Variants in NLRP11 observed in about 807,000 individuals in gnomAD.
NLRP11 encodes the protein NLR family pyrin domain containing 11.
A neutral mutation model predicts 79.3 loss-of-function variants in NLRP11; 53 were observed. The observed-to-expected ratio is 0.67, with a 90% CI of 0.54 to 0.84. The LOEUF (loss-of-function observed/expected upper bound fraction) is 0.84. NLRP11 is among the 40% of genes least tolerant of loss of function. The probability of loss-of-function intolerance (pLI) is 0.00; values close to 1 mark genes in which losing one functional copy is unlikely to be tolerated. For synonymous variants in NLRP11, 518 were observed against 462.6 expected (o/e 1.12, Z -1.54); for missense variants, 1,264 against 1,255.0 (o/e 1.01, Z -0.11).
chr19:55,796,360 T>G lies in NLRP11; in HGVS notation c.2172-110A>C. 3.6e-6 allele frequency: 3 copies of G among 832,570 alleles called. 1 individual carries two copies. The South Asian group carries it at 5.4e-5, about 15-fold the overall frequency. The allele number at this position is 832,570 out of a possible 1,614,324, so 51.6% of individuals were successfully genotyped here. On this transcript the variant is annotated intron_variant, in intron 5 of 9. Transcript: ENST00000589093. Reference sequence around the variant, plus strand: ...CCTAACCAAGTGCGATGATGTCTACTTGGAAATAAATAGATCCCTTTGCTT... The same window carrying G: ...CCTAACCAAGTGCGATGATGTCTACGTGGAAATAAATAGATCCCTTTGCTT...
intron 1 of NLRP11, among the ~76,000 whole-genome samples, chr19:55,818,728 G>A (rs1981382056): frequency 6.6e-6 from 1 of 152,116 alleles, no homozygotes; most frequent in Non-Finnish European, 1.5e-5. Context: ...TAATGAAGAG[G>A]CAACTGTTAT....
intron 1 of NLRP11, among the ~76,000 whole-genome samples, chr19:55,821,002 A>G (rs1981642882): frequency 6.6e-6 from 1 of 152,130 alleles, no homozygotes; most frequent in Admixed American, 6.5e-5. Context: ...ACATTCCCAG[A>G]GCTGATAAGA....
At position 55,787,422 on chromosome 19, in the gene NLRP11, C is replaced by T. The variant is rs957991092; in HGVS notation, c.2855+1385G>A. On this transcript the variant is annotated intron_variant, in intron 9 of 9. Transcript: ENST00000589093. ...TGCGATCTCGGCTCACTGCAAACTC[C>T]GCCTCCCAGGTTCAAGTGATTCTCG... is the stretch of plus-strand genomic sequence containing the variant. Among the ~76,000 whole-genome samples the T allele has an allele frequency of 5.9e-5, 9 of 152,222 alleles. No individual in the cohort carries two copies. The South Asian group carries it at 6.2e-4, about 11-fold the overall frequency.
chr19:55,810,218 A>T, exon 3 of NLRP11: 1 of 1,614,182 alleles, frequency 6.2e-7, no homozygotes, highest in South Asian at 1.1e-5. Context: ...TAATTGAAGT[A>T]TGTAGAACAC....
intron 4 of NLRP11, among the ~76,000 whole-genome samples, chr19:55,803,132 A>T (rs1372392229): frequency 6.6e-6 from 1 of 152,098 alleles, no homozygotes; most frequent in African/African-American, 2.4e-5. Context: ...GCAGATCACA[A>T]GGTCAGGAGT....
rs548232403 is a variant in NLRP11 at position 55,788,107 on chromosome 19, CAGAA to C, written c.2855+696_2855+699del. On this transcript the variant is annotated intron_variant, in intron 9 of 9. Coordinates refer to ENST00000589093, the Ensembl canonical transcript of NLRP11. The stretch of plus-strand genomic sequence containing the variant: ...CATACTTGGCAACAGTTAGGTAACA[CAGAA>C]AGGAAGAGAACTTTTGCTTTTATGA... Among the ~76,000 whole-genome samples the C allele has an allele frequency of 1.8e-3, 271 of 152,168 alleles. 2 individuals carry two copies. The highest frequency in any genetic ancestry group is 5.2e-3 in the African/African-American group (217 of 41,494).
At chr19:55,788,597 A>G (rs57596302) in intron 9 of NLRP11, among the ~76,000 whole-genome samples, 12,758 of 151,582 alleles carry the variant, frequency 0.084, 1,221 homozygotes, top group African/African-American at 0.24. Context: ...AAAATTAGCC[A>G]GGTGTGGTGG....
intron 4 of NLRP11, among the ~76,000 whole-genome samples, chr19:55,805,921 CAAT>C: frequency 6.6e-6 from 1 of 152,314 alleles, no homozygotes; most frequent in East Asian, 1.9e-4. Flanking sequence ...TCTTGGCCAA[CAAT>C]GACTTCTACC....
upstream of NLRP11, among the ~76,000 whole-genome samples, chr19:55,832,559 C>A (rs924086138): frequency 6.6e-6 from 1 of 152,212 alleles, no homozygotes; most frequent in Non-Finnish European, 1.5e-5. Context: ...ATAGCTCAGT[C>A]CTATGCGCAG....
At chr19:55,808,928 A>G in exon 3 of NLRP11, 2 of 1,614,102 alleles carry the variant, frequency 1.2e-6, no homozygotes, top group East Asian at 2.2e-5. Context: ...AGCATCCACA[A>G]TCGTCTTCAC....
At chr19:55,814,091 C>T (rs1568638962) in intron 2 of NLRP11, among the ~76,000 whole-genome samples, 1 of 152,124 alleles carries the variant, frequency 6.6e-6, no homozygotes, top group African/African-American at 2.4e-5. Context: ...CTCCCCATCG[C>T]TCACATTACC....
chr19:55,834,538 G>C (rs1431813916), upstream of NLRP11, among the ~76,000 whole-genome samples: 1 of 152,240 alleles, frequency 6.6e-6, no homozygotes, highest in African/African-American at 2.4e-5. Context: ...TGTGCATGAT[G>C]CTAATGTAAT....
rs746616716 is a variant in NLRP11, at chr19:55,809,311, C to T, written c.1299G>A (p.Ala433=). Residue 433 remains alanine, a synonymous_variant, in exon 3 of 10, where the codon GCG becomes GCA. Transcript: ENST00000589093. The surrounding 1 kb of genome is among the most constrained non-coding windows in gnomAD (Gnocchi z 4.5). Reference sequence around the variant, plus strand: ...GAGTGTTGCTCGGCAAAAGAATATTCGCGGCCTGCAACACAGAGACATCAG... The same window carrying T: ...GAGTGTTGCTCGGCAAAAGAATATTTGCGGCCTGCAACACAGAGACATCAG... 85 of 1,613,840 alleles carry T rather than the reference C, an allele frequency of 5.3e-5. No individual in the cohort carries two copies. Among genetic ancestry groups the T allele is most frequent in the Non-Finnish European group, 7.0e-5 (83 of 1,179,930 alleles).
chr19:55,788,363 CTT>C (rs74179639), intron 9 of NLRP11, among the ~76,000 whole-genome samples: 18 of 140,626 alleles, frequency 1.3e-4, no homozygotes, highest in African/African-American at 1.3e-4. Flanking sequence ...AGAGGAAAGA[CTT>C]TTTTTTTTTT....
chr19:55,794,950 G>C (rs6509960), intron 6 of NLRP11, among the ~76,000 whole-genome samples: 65,872 of 151,626 alleles, frequency 0.43, 14,797 homozygotes, highest in African/African-American at 0.54. Flanking sequence ...GAGCTAAAGG[G>C]AGCCAAAAAT....
At position 55,789,146 on chromosome 19, in the gene NLRP11, G is replaced by C. The variant is rs1014462158; in HGVS notation, c.2684+83C>G. ...ACTAGACTATTATGTCCGAGGTATTGTATTTCCCAATCCACTTCCTCTTGT... is the reference window on the plus strand; with the variant it reads ...ACTAGACTATTATGTCCGAGGTATTCTATTTCCCAATCCACTTCCTCTTGT... On this transcript the variant is annotated intron_variant, in intron 8 of 9. Transcript: ENST00000589093. 6 of 1,449,096 alleles carry C rather than the reference G, an allele frequency of 4.1e-6. No individual in the cohort carries two copies. The African/African-American group carries it at 7.1e-5, about 17-fold the overall frequency. The allele number at this position is 1,449,096 out of a possible 1,614,324, so 89.8% of individuals were successfully genotyped here.
intron 1 of NLRP11, among the ~76,000 whole-genome samples, chr19:55,821,324 G>A (rs1419032267): frequency 6.6e-6 from 1 of 151,856 alleles, no homozygotes; most frequent in Non-Finnish European, 1.5e-5. Flanking sequence ...CTTGCTGCTG[G>A]GGGAATTCCA....
chr19:55,796,261 A>G lies in NLRP11; in HGVS notation c.2172-11T>C, dbSNP rs781720630. ...TCACATTTCATCAAGCTGTAAGAGG[A>G]ATTCAGAAATGAAAAGAGGCTCCCG... On this transcript the variant is annotated splice_polypyrimidine_tract_variant and intron_variant, in intron 5 of 9. Coordinates refer to ENST00000589093, the Ensembl canonical transcript of NLRP11. 34 of 1,606,004 alleles carry G rather than the reference A, an allele frequency of 2.1e-5. 1 individual carries two copies. In the South Asian group the frequency reaches 3.7e-4, roughly 18 times the overall value.
At chr19:55,820,152 A>G (rs925068932) in intron 1 of NLRP11, among the ~76,000 whole-genome samples, 19 of 152,238 alleles carry the variant, frequency 1.2e-4, no homozygotes, top group African/African-American at 4.3e-4. Flanking sequence ...TGCAACTAGT[A>G]AGCAGTCACT....
Sources: gnomAD v4.1 joint callset for allele counts (sites outside exome capture counted in the v4.1 genomes callset) on GRCh38, gnomAD v4.1.1 for gene constraint, Gnocchi (gnomAD v3.1) non-coding constraint, MANE v1.5 for transcripts, NCBI Gene and HGNC (gene_info 2026-07-23, HGNC 2026-07-21) for gene names.